NELL1: variants seen among roughly 807,000 people sequenced by gnomAD.
NELL1 encodes the protein neural EGFL like 1.
NELL1 carries 76 observed loss-of-function variants against 107.4 expected under a neutral mutation model. That is an observed-to-expected ratio of 0.71 (90% CI 0.59 to 0.86). The LOEUF (loss-of-function observed/expected upper bound fraction) is 0.86. Among genes scored for constraint, NELL1 ranks in the 40% least tolerant of loss-of-function variants. The pLI, the probability that NELL1 is intolerant of heterozygous loss-of-function variation, is 0.00. For synonymous variants in NELL1, 353 were observed against 341.2 expected (o/e 1.03, Z -0.38); for missense variants, 1,024 against 1,005.5 (o/e 1.02, Z -0.25).
At chr11:21,460,000 G>A (rs1485040988) in intron 15 of NELL1, among the ~76,000 whole-genome samples, 1 of 152,054 alleles carries the variant, frequency 6.6e-6, no homozygotes, top group Non-Finnish European at 1.5e-5. Flanking sequence ...AATGCTGAAT[G>A]CCCACTTATC....
intron 13 of NELL1, among the ~76,000 whole-genome samples, chr11:21,186,127 T>C (rs981935922): frequency 2.0e-5 from 3 of 151,880 alleles, no homozygotes; most frequent in African/African-American, 7.3e-5. Context: ...AGGAAAAGTC[T>C]GATTCACTGA....
intron 13 of NELL1, among the ~76,000 whole-genome samples, chr11:21,206,464 G>A (rs1436652179): frequency 2.0e-5 from 3 of 152,114 alleles, no homozygotes; most frequent in Non-Finnish European, 4.4e-5. Context: ...ATACAAATTT[G>A]GGGGTGGTAC....
chr11:21,459,139 A>T (rs933210715), intron 15 of NELL1, among the ~76,000 whole-genome samples: 3 of 152,032 alleles, frequency 2.0e-5, no homozygotes, highest in African/African-American at 2.4e-5. Context: ...GGAGGGACTT[A>T]AAATGTATAG....
chr11:20,818,427 T>G (rs1467155999), intron 3 of NELL1, among the ~76,000 whole-genome samples: 1 of 81,044 alleles, frequency 1.2e-5, no homozygotes, highest in Non-Finnish European at 2.9e-5. Flanking sequence ...TTTTTTTTTT[T>G]TTGTCTTCGG....
At chr11:21,545,315 T>G (rs1409787479) in intron 16 of NELL1, among the ~76,000 whole-genome samples, 1 of 151,920 alleles carries the variant, frequency 6.6e-6, no homozygotes, top group African/African-American at 2.4e-5. Flanking sequence ...CCCAGAAGCC[T>G]TTGGGGATAA....
At chr11:21,284,957 TG>T in intron 14 of NELL1, 1 of 203,564 alleles carries the variant, frequency 4.9e-6, no homozygotes, top group Non-Finnish European at 1.0e-5. Flanking sequence ...AATTGTTCTG[TG>T]CCTTGGAGGC....
chr11:20,817,120 C>A (rs1857639921), intron 3 of NELL1, among the ~76,000 whole-genome samples: 3 of 151,982 alleles, frequency 2.0e-5, no homozygotes, highest in African/African-American at 7.3e-5. Context: ...TGTGTCTTTG[C>A]CAGATGTTGG....
intron 14 of NELL1, among the ~76,000 whole-genome samples, chr11:21,257,512 C>T (rs568643834): frequency 6.6e-6 from 1 of 151,944 alleles, no homozygotes; most frequent in South Asian, 2.1e-4. Flanking sequence ...TTTGGTGATA[C>T]AATAAACTGG....
intron 12 of NELL1, among the ~76,000 whole-genome samples, chr11:21,100,346 T>C (rs988577256): frequency 6.6e-6 from 1 of 152,186 alleles, no homozygotes; most frequent in African/African-American, 2.4e-5. Flanking sequence ...AGTGTACAGT[T>C]CAGTGGCATT....
chr11:21,325,079 C>G (rs551995144), intron 14 of NELL1, among the ~76,000 whole-genome samples: 1 of 151,916 alleles, frequency 6.6e-6, no homozygotes, highest in African/African-American at 2.4e-5. Context: ...GTTTCCTTTT[C>G]TTCTTGGAAT....
rs140908194 is a variant in NELL1 at position 21,389,512 on chromosome 11, A to G, written c.1645+18564A>G. ...AGCCTTGAAATAATTCTAAGAGTAC[A>G]GAAAGAGGGAAAAGCAGGTCTGGAA... On this transcript the variant is annotated intron_variant, in intron 15 of 19. Coordinates refer to ENST00000357134, the MANE Select transcript of NELL1 (RefSeq NM_006157.5). 3.5e-4 allele frequency among the ~76,000 whole-genome samples: 53 copies of G among 151,906 alleles called. No homozygotes were observed. The East Asian group carries it at 9.2e-3, about 26-fold the overall frequency.
intron 9 of NELL1, among the ~76,000 whole-genome samples, chr11:20,931,301 G>T (rs1850613158): frequency 6.6e-6 from 1 of 152,178 alleles, no homozygotes; most frequent in South Asian, 2.1e-4. Context: ...TCTAGAAGTT[G>T]ACTTTTGTGG....
chr11:21,536,852 C>G (rs1455865459), intron 16 of NELL1, among the ~76,000 whole-genome samples: 4 of 152,096 alleles, frequency 2.6e-5, no homozygotes, highest in Non-Finnish European at 5.9e-5. Context: ...CCTGTAGAGC[C>G]CTATCACCCT....
chr11:20,730,627 C>T lies in NELL1; in HGVS notation c.184+52567C>T, dbSNP rs7103708. Among the ~76,000 whole-genome samples, 1,173 of 152,216 alleles carry T rather than the reference C, an allele frequency of 7.7e-3. 14 individuals are homozygous for T. Among genetic ancestry groups the T allele is most frequent in the African/African-American group, 0.027 (1,119 of 41,528 alleles). ...GAGGCAAGCAGTGGTTGGTCCATTC[C>T]CCCAGCTTTGATTTGTACCCACGAA... On this transcript the variant is annotated intron_variant, in intron 2 of 19. Transcript: ENST00000357134.
At chr11:20,711,824 A>G (rs1855120419) in intron 2 of NELL1, among the ~76,000 whole-genome samples, 10 of 152,088 alleles carry the variant, frequency 6.6e-5, no homozygotes, top group Admixed American at 6.6e-4. Context: ...TCTTTACTTC[A>G]TCTTGACTTT....
chr11:20,873,545 C>T (rs902173017), intron 4 of NELL1, among the ~76,000 whole-genome samples: 2 of 152,286 alleles, frequency 1.3e-5, no homozygotes, highest in African/African-American at 4.8e-5. Context: ...TTTTACAGAG[C>T]AGATGATCTG....
chr11:21,489,404 A>AAAAAAAAAAAAAAAC (rs1554922049), intron 15 of NELL1, among the ~76,000 whole-genome samples: 7 of 137,200 alleles, frequency 5.1e-5, no homozygotes, highest in Admixed American at 2.3e-4. Context: ...AAAAAAAAAA[A>AAAAAAAAAAAAAAAC]AAAACAGAAG....
intron 15 of NELL1, among the ~76,000 whole-genome samples, chr11:21,505,563 T>A (rs1198752335): frequency 6.6e-6 from 1 of 152,208 alleles, no homozygotes; most frequent in Non-Finnish European, 1.5e-5. Flanking sequence ...TACTTCAATG[T>A]TTCCTGAACA....
intron 13 of NELL1, among the ~76,000 whole-genome samples, chr11:21,170,740 A>G (rs1038162153): frequency 2.7e-5 from 4 of 150,258 alleles, no homozygotes; most frequent in Admixed American, 6.6e-5. Context: ...TATATAAAGT[A>G]TATGTACAAT....
Sources: allele counts gnomAD v4.1 joint callset (sites outside exome capture counted in the v4.1 genomes callset), GRCh38; gene constraint gnomAD v4.1.1; transcripts MANE v1.5; gene names NCBI Gene and HGNC (gene_info 2026-07-23, HGNC 2026-07-21).